The following PTPRT variants were observed in gnomAD, a reference collection of about 807,000 sequenced individuals.
PTPRT encodes protein tyrosine phosphatase receptor type T.
In PTPRT, 56 loss-of-function variants were observed where a neutral mutation model predicts 176.8. The observed-to-expected ratio is 0.32, with a 90% CI of 0.26 to 0.40. The LOEUF (loss-of-function observed/expected upper bound fraction) is 0.40, where lower values mean the gene tolerates loss of function less well. Among genes scored for constraint, PTPRT ranks in the 10% least tolerant of loss-of-function variants. The pLI, the probability that PTPRT is intolerant of heterozygous loss-of-function variation, is 1.00. For synonymous variants in PTPRT, 783 were observed against 739.0 expected (o/e 1.06, Z -0.96); for missense variants, 1,540 against 1,908.2 (o/e 0.81, Z 3.60).
chr20:43,054,799 G>C (rs1410557808), intron 1 of PTPRT, among the ~76,000 whole-genome samples: 4 of 152,130 alleles, frequency 2.6e-5, no homozygotes, highest in Non-Finnish European at 4.4e-5. Context: ...CAGTGGGGGT[G>C]GGGGGAGCAG....
At chr20:42,392,316 C>T (rs2058807574) in intron 9 of PTPRT, among the ~76,000 whole-genome samples, 1 of 151,984 alleles carries the variant, frequency 6.6e-6, no homozygotes, top group Admixed American at 6.6e-5. Flanking sequence ...GGGCTATTAG[C>T]ATACATCAGG....
intron 9 of PTPRT, among the ~76,000 whole-genome samples, chr20:42,398,130 T>C (rs1387618633): frequency 1.6e-4 from 24 of 152,100 alleles, no homozygotes; most frequent in Non-Finnish European, 3.4e-4. Context: ...CCTCAAGGTA[T>C]GTGTGTCTGT....
At chr20:42,979,582 AAGG>A (rs1452922776) in intron 1 of PTPRT, among the ~76,000 whole-genome samples, 1 of 152,186 alleles carries the variant, frequency 6.6e-6, no homozygotes, top group Non-Finnish European at 1.5e-5. Flanking sequence ...TTGAAAAAAA[AAGG>A]AGAAGTAAAT....
intron 16 of PTPRT, among the ~76,000 whole-genome samples, chr20:42,187,908 C>T (rs145524676): frequency 4.1e-3 from 624 of 152,332 alleles, no homozygotes; most frequent in Middle Eastern, 6.8e-3. Flanking sequence ...CTTCCATTAA[C>T]TTGCTGAGTG....
chr20:42,371,962 G>A (rs1440047241), intron 9 of PTPRT, among the ~76,000 whole-genome samples: 5 of 152,158 alleles, frequency 3.3e-5, no homozygotes, highest in South Asian at 2.1e-4. Flanking sequence ...ATGTAGTCAG[G>A]ACATCAGCAG....
At chr20:42,099,558 G>GGC in intron 26 of PTPRT, among the ~76,000 whole-genome samples, 1 of 39,658 alleles carries the variant, frequency 2.5e-5, no homozygotes, top group Admixed American at 2.6e-4. Flanking sequence ...GGGGGGGGGG[G>GGC]GGTGGGGTGG....
At chr20:42,669,850 T>C (rs903992041) in intron 7 of PTPRT, among the ~76,000 whole-genome samples, 10 of 152,184 alleles carry the variant, frequency 6.6e-5, no homozygotes, top group Non-Finnish European at 1.2e-4. Context: ...CTTTTTGCTC[T>C]GGGCTTGAAA....
At chr20:42,363,791 G>C (rs2058475485) in intron 9 of PTPRT, among the ~76,000 whole-genome samples, 1 of 152,102 alleles carries the variant, frequency 6.6e-6, no homozygotes, top group Non-Finnish European at 1.5e-5. Flanking sequence ...CAACTTCCCA[G>C]TGTCTTCACA....
At chr20:42,431,843 C>G (rs1417087227) in intron 9 of PTPRT, among the ~76,000 whole-genome samples, 1 of 152,236 alleles carries the variant, frequency 6.6e-6, no homozygotes, top group Non-Finnish European at 1.5e-5. Context: ...CATAGACTCT[C>G]TCACCTCTGG....
In PTPRT at chr20:42,278,073, CTATATATATA is replaced by C. The variant is rs777694770; in HGVS notation, c.2176+4406_2176+4415del. ...GATAGACATTAAACATGTAAGTAGA[CTATATATATA>C]TATATATATATATATATATATATAT... On this transcript the variant is annotated intron_variant, in intron 13 of 30. Coordinates refer to ENST00000373187, the MANE Select transcript of PTPRT (RefSeq NM_007050.6). Among the ~76,000 whole-genome samples the C allele has an allele frequency of 6.8e-3, 267 of 39,130 alleles. 4 individuals carry two copies. The highest frequency in any genetic ancestry group is 9.2e-3 in the Non-Finnish European group (172 of 18,774). 25.7% of individuals were successfully genotyped at this position (39,130 alleles called of 152,430 possible).
chr20:42,795,513 C>A (rs2077441551), intron 2 of PTPRT, among the ~76,000 whole-genome samples: 1 of 152,190 alleles, frequency 6.6e-6, no homozygotes, highest in African/African-American at 2.4e-5. Flanking sequence ...AATGGCTTTG[C>A]ACATTGTTCA....
chr20:42,219,392 C>A (rs542033533), intron 15 of PTPRT, among the ~76,000 whole-genome samples: 1 of 152,222 alleles, frequency 6.6e-6, no homozygotes, highest in East Asian at 1.9e-4. Context: ...GTGTTATAAT[C>A]TCAACACATA....
intron 1 of PTPRT, among the ~76,000 whole-genome samples, chr20:42,998,971 C>A (rs879571793): frequency 6.6e-6 from 1 of 152,188 alleles, no homozygotes; most frequent in African/African-American, 2.4e-5. Context: ...ACTTCTCCAA[C>A]CATTTCCCGT....
intron 8 of PTPRT, among the ~76,000 whole-genome samples, chr20:42,466,544 T>C (rs1383381702): frequency 6.6e-6 from 1 of 152,190 alleles, no homozygotes; most frequent in Non-Finnish European, 1.5e-5. Flanking sequence ...TATTGTTTTT[T>C]AGAGGGATTG....
intron 1 of PTPRT, among the ~76,000 whole-genome samples, chr20:42,933,568 C>T (rs969451368): frequency 2.0e-5 from 3 of 152,148 alleles, no homozygotes; most frequent in African/African-American, 4.8e-5. Flanking sequence ...CCCCCAAACC[C>T]TTCAATGTGA....
At chr20:42,465,531 T>C (rs549471022) in intron 8 of PTPRT, among the ~76,000 whole-genome samples, 1 of 152,302 alleles carries the variant, frequency 6.6e-6, no homozygotes, top group South Asian at 2.1e-4. Flanking sequence ...TTCTAGGATA[T>C]ACTGAGTGAA....
chr20:42,434,790 C>T lies in PTPRT; in HGVS notation c.1560+13430G>A, dbSNP rs571457074. On this transcript the variant is annotated intron_variant, in intron 9 of 30. Transcript: ENST00000373187. Reference sequence around the variant, plus strand: ...CAGCCTGGCCAACAAGGTGAAACCCCGTCTCTATTAAAAATTAAAAAAAAA... The same window carrying T: ...CAGCCTGGCCAACAAGGTGAAACCCTGTCTCTATTAAAAATTAAAAAAAAA... 3.5e-5 allele frequency among the ~76,000 whole-genome samples: 5 copies of T among 141,638 alleles called. No individual in the cohort carries two copies. The South Asian group carries it at 9.2e-4, about 26-fold the overall frequency. The allele number at this position is 141,638 out of a possible 152,430, so 92.9% of individuals were successfully genotyped here.
the PTPRT span, among the ~76,000 whole-genome samples, chr20:42,044,554 G>T: frequency 6.6e-6 from 1 of 152,208 alleles, no homozygotes; most frequent in Non-Finnish European, 1.5e-5. Context: ...TAAGTCATGG[G>T]AGTGGTCACA....
chr20:42,595,295 G>C (rs2073651581), intron 7 of PTPRT, among the ~76,000 whole-genome samples: 1 of 152,026 alleles, frequency 6.6e-6, no homozygotes, highest in East Asian at 1.9e-4. Context: ...CACCACCATT[G>C]ACATTTTGGG....
Sources: gnomAD v4.1 joint callset for allele counts (sites outside exome capture counted in the v4.1 genomes callset) on GRCh38, gnomAD v4.1.1 for gene constraint, MANE v1.5 for transcripts, NCBI Gene and HGNC (gene_info 2026-07-23, HGNC 2026-07-21) for gene names.